Variants in UBXN2A observed in about 807,000 individuals in gnomAD.
The protein encoded by UBXN2A is UBX domain-containing protein 2A.
Under a neutral mutation model 28.4 loss-of-function variants are expected in UBXN2A, and 28 were observed. The observed-to-expected ratio is 0.99, with a 90% confidence interval of 0.73 to 1.35. The LOEUF is 1.35. Among genes scored for constraint, UBXN2A ranks in the 40% most tolerant of loss-of-function variants. UBXN2A has a pLI of 0.00. For synonymous variants in UBXN2A, 97 were observed against 103.6 expected (o/e 0.94, Z 0.39); for missense variants, 253 against 297.9 (o/e 0.85, Z 1.11).
chr2:23,977,628 C>T (rs1707727391), intron 4 of UBXN2A, among the ~76,000 whole-genome samples: 3 of 152,080 alleles, frequency 2.0e-5, no homozygotes, highest in African/African-American at 7.2e-5. Context: ...ACAACAAGAG[C>T]AAAACTCCAT....
intron 1 of UBXN2A, among the ~76,000 whole-genome samples, chr2:23,952,966 GTTT>G (rs10593464): frequency 7.0e-6 from 1 of 142,922 alleles, no homozygotes. Flanking sequence ...GCTCTTAGTT[GTTT>G]TTTTTTTTTT....
intron 4 of UBXN2A, among the ~76,000 whole-genome samples, chr2:23,978,189 AAACTAATT>A (rs1272532751): frequency 6.6e-6 from 1 of 152,192 alleles, no homozygotes; most frequent in African/African-American, 2.4e-5. Context: ...AATCTTACTT[AAACTAATT>A]TACTTTACTA....
At chr2:23,990,697 C>T (rs1056699738) in intron 6 of UBXN2A, among the ~76,000 whole-genome samples, 2 of 151,394 alleles carry the variant, frequency 1.3e-5, no homozygotes, top group Non-Finnish European at 2.9e-5. Flanking sequence ...TGGCTTGAAC[C>T]CAGGAGGTGG....
intron 1 of UBXN2A, among the ~76,000 whole-genome samples, chr2:23,956,571 T>A (rs1413158085): frequency 1.3e-5 from 2 of 152,082 alleles, no homozygotes; most frequent in African/African-American, 4.8e-5. Context: ...CAGGCTGGTC[T>A]TGAACTCCTG....
rs76091392 is a variant in UBXN2A, at chr2:23,957,940, G to A, written c.-14-361G>A. 2.5e-3 allele frequency among the ~76,000 whole-genome samples: 380 copies of A among 152,274 alleles called. 2 individuals are homozygous for A. Among genetic ancestry groups the A allele is most frequent in the Non-Finnish European group, 4.0e-3 (274 of 68,012 alleles). ...ACTGCGCCTAGCCATTTTTTGTAGA[G>A]TCAGTCTCACTATTTTACCCAGACT... On this transcript the variant is annotated intron_variant, in intron 1 of 6. Coordinates refer to ENST00000309033, the MANE Select transcript of UBXN2A (RefSeq NM_181713.4).
At chr2:23,953,361 T>G (rs1706464239) in intron 1 of UBXN2A, among the ~76,000 whole-genome samples, 1 of 152,218 alleles carries the variant, frequency 6.6e-6, no homozygotes, top group South Asian at 2.1e-4. Flanking sequence ...GTGGCCATTT[T>G]GATTTTAATT....
chr2:23,981,012 T>A (rs559005123), intron 4 of UBXN2A, among the ~76,000 whole-genome samples: 75 of 152,312 alleles, frequency 4.9e-4, no homozygotes, highest in Non-Finnish European at 9.0e-4. Flanking sequence ...CCTTATCAGA[T>A]ACATGATTTG....
chr2:23,998,249 T>C (rs1708615819), intron 6 of UBXN2A, among the ~76,000 whole-genome samples: 1 of 152,202 alleles, frequency 6.6e-6, no homozygotes, highest in African/African-American at 2.4e-5. Context: ...TTTTCACTCA[T>C]CCAATATTTA....
rs1398819065 is a variant in UBXN2A, at chr2:23,986,309, C to CA, written c.584+1484dup. On this transcript the variant is annotated intron_variant, in intron 6 of 6. Coordinates refer to ENST00000309033, the MANE Select transcript of UBXN2A (RefSeq NM_181713.4). ...TGAGCGATTGAGCAAGACTCCATCT[C>CA]AAAAAATAATAATAATAATAATAGT... 2.0e-5 allele frequency among the ~76,000 whole-genome samples: 3 copies of CA among 151,760 alleles called. No homozygotes were observed. The East Asian group carries it at 5.8e-4, about 29-fold the overall frequency.
chr2:23,935,530 C>T (rs886680447), upstream of UBXN2A, among the ~76,000 whole-genome samples: 1 of 152,090 alleles, frequency 6.6e-6, no homozygotes, highest in Non-Finnish European at 1.5e-5. Context: ...AAATCAAAAC[C>T]ATAGTGAGAT....
chr2:23,929,805 TTG>T (rs1245210267), intron 1 of UBXN2A, among the ~76,000 whole-genome samples: 2 of 152,190 alleles, frequency 1.3e-5, no homozygotes, highest in African/African-American at 2.4e-5. Context: ...TCCTCCTTTT[TTG>T]TGTGTGTTTA....
In UBXN2A at chr2:23,984,973, C is replaced by T. The variant is rs1352992518; in HGVS notation, c.584+142C>T. 7.4e-6 allele frequency: 6 copies of T among 810,960 alleles called. No individual in the cohort carries two copies. In the African/African-American group the frequency reaches 1.1e-4, roughly 15 times the overall value. The allele number at this position is 810,960 out of a possible 1,614,324, so 50.2% of individuals were successfully genotyped here. On this transcript the variant is annotated intron_variant, in intron 6 of 6. Coordinates refer to ENST00000309033, the MANE Select transcript of UBXN2A (RefSeq NM_181713.4). ...CCAGAGTGCAGTGGCACAGTCATAG[C>T]TCACTGCAGTCTTGAAGTCCTGGAT... is the stretch of plus-strand genomic sequence containing the variant.
intron 1 of UBXN2A, among the ~76,000 whole-genome samples, chr2:23,934,914 A>C (rs1705480002): frequency 6.6e-6 from 1 of 152,154 alleles, no homozygotes; most frequent in African/African-American, 2.4e-5. Flanking sequence ...TCTCTACTAA[A>C]AGTACAAAAA....
chr2:23,967,904 C>T (rs563639610), intron 2 of UBXN2A, among the ~76,000 whole-genome samples: 1 of 151,182 alleles, frequency 6.6e-6, no homozygotes, highest in Admixed American at 6.6e-5. Flanking sequence ...TGAGTATCGG[C>T]ATTTTAGTAA....
At chr2:23,931,571 A>C (rs1285265398) in intron 1 of UBXN2A, among the ~76,000 whole-genome samples, 1 of 152,198 alleles carries the variant, frequency 6.6e-6, no homozygotes, top group Non-Finnish European at 1.5e-5. Context: ...CCTGCAGTAC[A>C]TGCAAGAGGT....
At chr2:23,937,094 A>G (rs1334326529), upstream of UBXN2A, among the ~76,000 whole-genome samples, 1 of 152,110 alleles carries the variant, frequency 6.6e-6, no homozygotes, top group African/African-American at 2.4e-5. Flanking sequence ...TCCTGGGCTC[A>G]AGCAATTCTC....
Position 23,984,809 on chromosome 2 carries a change from C to T in UBXN2A, c.562C>T (p.Gln188Ter), listed in dbSNP as rs1708058113. 1.3e-6 allele frequency: 2 copies of T among 1,553,186 alleles called. No homozygotes were observed. Among genetic ancestry groups the T allele is most frequent in the Non-Finnish European group, 1.7e-6 (2 of 1,161,360 alleles). The change falls in exon 6 of 7, where the codon CAG (glutamine) becomes TAG (stop). Residue 188 changes from glutamine to a stop codon, truncating the protein, a stop_gained. Transcript: ENST00000309033. LOFTEE classifies it high-confidence loss of function. ...GTTGGCCAATGGAAAAAGGATTGTC[C>T]AGAAATTTAACATTACTCATAGGTG... Reference protein sequence around the residue: ...IWLANGKRIVQKFNITHRVSH... With the variant: ...IWLANGKRIV
chr2:23,965,236 G>A (rs891534599), intron 2 of UBXN2A, among the ~76,000 whole-genome samples: 6 of 152,168 alleles, frequency 3.9e-5, no homozygotes, highest in East Asian at 1.9e-4. Flanking sequence ...GGATTAGCTC[G>A]GACTTCCAGT....
intron 2 of UBXN2A, among the ~76,000 whole-genome samples, chr2:23,962,766 T>C (rs1706989971): frequency 6.6e-6 from 1 of 152,070 alleles, no homozygotes; most frequent in African/African-American, 2.4e-5. Flanking sequence ...CAACCACACC[T>C]GGCTAGTTTT....
Sources: allele counts gnomAD v4.1 joint callset (sites outside exome capture counted in the v4.1 genomes callset), GRCh38; gene constraint gnomAD v4.1.1; transcripts MANE v1.5; gene names NCBI Gene and HGNC (gene_info 2026-07-23, HGNC 2026-07-21).